The following NLGN1 variants were observed in gnomAD, a reference collection of about 807,000 sequenced individuals.
NLGN1 encodes neuroligin 1.
A neutral mutation model predicts 65.5 loss-of-function variants in NLGN1; 12 were observed. The observed-to-expected ratio is 0.18, with a 90% CI of 0.12 to 0.30. The LOEUF (loss-of-function observed/expected upper bound fraction) is 0.30, where lower values mean the gene tolerates loss of function less well. Ranked by LOEUF, NLGN1 falls within the 10% of genes least tolerant of loss-of-function variation. The probability of loss-of-function intolerance (pLI) is 1.00; values close to 1 mark genes in which losing one functional copy is unlikely to be tolerated. For missense variants in NLGN1, 750 were observed against 1,007.1 expected (o/e 0.74, Z 3.46); for synonymous variants, 350 against 359.5 (o/e 0.97, Z 0.30).
intron 2 of NLGN1, among the ~76,000 whole-genome samples, chr3:173,582,692 T>C (rs974009342): frequency 1.3e-5 from 2 of 152,128 alleles, no homozygotes; most frequent in African/African-American, 4.8e-5. Context: ...TAGTAATCCT[T>C]CTTTGATTAT....
intron 4 of NLGN1, among the ~76,000 whole-genome samples, chr3:174,041,313 G>A (rs1048139807): frequency 6.6e-6 from 1 of 152,054 alleles, no homozygotes; most frequent in African/African-American, 2.4e-5. Context: ...CAATATGTTA[G>A]TATTTTTTCT....
chr3:173,552,897 A>C (rs1034720637), intron 2 of NLGN1, among the ~76,000 whole-genome samples: 1 of 152,202 alleles, frequency 6.6e-6, no homozygotes, highest in Non-Finnish European at 1.5e-5. Flanking sequence ...TTGAAACTTG[A>C]AATCTGTATG....
chr3:173,628,412 T>C (rs1755138457), intron 3 of NLGN1, among the ~76,000 whole-genome samples: 1 of 152,120 alleles, frequency 6.6e-6, no homozygotes, highest in Non-Finnish European at 1.5e-5. Context: ...AGCATCCACA[T>C]GTGCAGAGGT....
At chr3:173,761,874 G>A (rs1367727019) in intron 3 of NLGN1, among the ~76,000 whole-genome samples, 3 of 152,032 alleles carry the variant, frequency 2.0e-5, no homozygotes, top group Admixed American at 2.0e-4. Context: ...CTAATAAAAT[G>A]GAGCTAAGGA....
intron 3 of NLGN1, among the ~76,000 whole-genome samples, chr3:173,704,932 C>T (rs942632428): frequency 6.6e-6 from 1 of 152,256 alleles, no homozygotes; most frequent in Middle Eastern, 3.4e-3. Context: ...TCTGAGGCAA[C>T]TATACTCCTG....
chr3:173,424,319 A>G (rs555318603), intron 1 of NLGN1, among the ~76,000 whole-genome samples: 5 of 152,164 alleles, frequency 3.3e-5, no homozygotes, highest in Non-Finnish European at 7.3e-5. Context: ...TGTCTTTGCT[A>G]ATAACATTCA....
At chr3:174,191,711 G>A (rs1732422870) in intron 4 of NLGN1, among the ~76,000 whole-genome samples, 3 of 152,138 alleles carry the variant, frequency 2.0e-5, no homozygotes, top group Admixed American at 6.6e-5. Context: ...CACGAATTGG[G>A]ATCATTAAGA....
At chr3:173,405,741 C>A (rs1446328018) in intron 1 of NLGN1, among the ~76,000 whole-genome samples, 1 of 151,904 alleles carries the variant, frequency 6.6e-6, no homozygotes, top group African/African-American at 2.4e-5. Context: ...GAGAACTAGA[C>A]CAGGAACGAA....
rs549979038 is a variant in NLGN1 at position 173,699,994 on chromosome 3, A to G, written c.493+94903A>G. On this transcript the variant is annotated intron_variant, in intron 3 of 6. Coordinates refer to ENST00000457714, the Ensembl canonical transcript of NLGN1. The stretch of plus-strand genomic sequence containing the variant: ...TTGGCTGAAAAGAGCTAATTCACCT[A>G]CCAAACTGAGCAGATTTACATTCTT... 3.9e-5 allele frequency among the ~76,000 whole-genome samples: 6 copies of G among 152,340 alleles called. No homozygotes were observed. In the South Asian group the frequency reaches 1.2e-3, roughly 32 times the overall value.
intron 4 of NLGN1, among the ~76,000 whole-genome samples, chr3:174,242,418 G>A (rs905571046): frequency 6.6e-6 from 1 of 152,040 alleles, no homozygotes; most frequent in African/African-American, 2.4e-5. Flanking sequence ...AAATCAGGTG[G>A]CATAGCAAGA....
At chr3:173,845,292 A>G (rs1002432297) in intron 4 of NLGN1, among the ~76,000 whole-genome samples, 1 of 152,188 alleles carries the variant, frequency 6.6e-6, no homozygotes, top group Admixed American at 6.5e-5. Context: ...CACAATTAAT[A>G]CATACTGGGG....
intron 2 of NLGN1, among the ~76,000 whole-genome samples, chr3:173,574,867 A>G (rs897911016): frequency 6.6e-6 from 1 of 152,190 alleles, no homozygotes; most frequent in Non-Finnish European, 1.5e-5. Context: ...CAAATGACAC[A>G]TTTGATCTGC....
At chr3:174,150,062 G>A (rs758427199) in intron 4 of NLGN1, among the ~76,000 whole-genome samples, 1 of 152,080 alleles carries the variant, frequency 6.6e-6, no homozygotes. Flanking sequence ...GTCCTTATAC[G>A]CTATAATTGG....
At chr3:173,778,521 G>T (rs1247314709) in intron 3 of NLGN1, among the ~76,000 whole-genome samples, 5 of 151,740 alleles carry the variant, frequency 3.3e-5, no homozygotes, top group Non-Finnish European at 7.4e-5. Flanking sequence ...AATATATGAA[G>T]AATTTTGCAT....
intron 4 of NLGN1, among the ~76,000 whole-genome samples, chr3:173,842,834 T>C (rs1158750175): frequency 3.3e-5 from 5 of 152,172 alleles, no homozygotes; most frequent in Admixed American, 3.3e-4. Flanking sequence ...TTCTGGAGTC[T>C]GGAGGATGGT....
intron 3 of NLGN1, among the ~76,000 whole-genome samples, chr3:173,631,353 C>T (rs567947789): frequency 6.6e-6 from 1 of 152,118 alleles, no homozygotes; most frequent in African/African-American, 2.4e-5. Flanking sequence ...CCTTCTTTTC[C>T]CCTTTCTTAT....
chr3:173,763,511 A>G (rs1241060075), intron 3 of NLGN1, among the ~76,000 whole-genome samples: 1 of 152,090 alleles, frequency 6.6e-6, no homozygotes, highest in African/African-American at 2.4e-5. Flanking sequence ...TTGATAAGAC[A>G]TTTATGATTT....
At chr3:173,765,385 C>T (rs1778623315) in intron 3 of NLGN1, among the ~76,000 whole-genome samples, 1 of 151,608 alleles carries the variant, frequency 6.6e-6, no homozygotes, top group South Asian at 2.1e-4. Flanking sequence ...TGAGAGAAAC[C>T]AATGATACTT....
chr3:174,289,957 A>ATATATATATGTATATATATATATGTG (rs1340096614), downstream of NLGN1, among the ~76,000 whole-genome samples: 34 of 41,550 alleles, frequency 8.2e-4, no homozygotes, highest in South Asian at 1.5e-3. Context: ...ATATATGTGT[A>ATATATATATGTATATATATATATGTG]TATATATATA....
Sources: gnomAD v4.1 joint callset for allele counts (sites outside exome capture counted in the v4.1 genomes callset) on GRCh38, gnomAD v4.1.1 for gene constraint, MANE v1.5 for transcripts, NCBI Gene and HGNC (gene_info 2026-07-23, HGNC 2026-07-21) for gene names.